Variants in OXR1 observed in about 807,000 individuals in gnomAD.
The protein encoded by OXR1 is oxidation resistance protein 1.
Under a neutral mutation model 104.6 loss-of-function variants are expected in OXR1, and 41 were observed. The ratio of observed to expected loss-of-function variants is 0.39; its 90% CI spans 0.31 to 0.51. The LOEUF is 0.51. Among genes scored for constraint, OXR1 ranks in the 20% least tolerant of loss-of-function variants. The pLI, the probability that OXR1 is intolerant of heterozygous loss-of-function variation, is 0.77. For missense variants in OXR1, 955 were observed against 1,031.9 expected, an observed-to-expected ratio of 0.93 and a Z score of 1.02; for synonymous variants, 348 against 348.4, an observed-to-expected ratio of 1.00 and a Z score of 0.01.
At chr8:106,448,255 AG>A (rs1820111405) in intron 2 of OXR1, among the ~76,000 whole-genome samples, 2 of 152,280 alleles carry the variant, frequency 1.3e-5, no homozygotes, top group South Asian at 4.1e-4. Context: ...CCGAAAACAT[AG>A]GTACTAAAGA....
At chr8:106,463,648 G>C (rs1345917872) in intron 2 of OXR1, among the ~76,000 whole-genome samples, 2 of 152,110 alleles carry the variant, frequency 1.3e-5, no homozygotes, top group Non-Finnish European at 2.9e-5. Context: ...GGCTGTATCA[G>C]TCTGTCTTGA....
At chr8:106,712,832 C>T (rs1254551557) in intron 10 of OXR1, among the ~76,000 whole-genome samples, 1 of 151,934 alleles carries the variant, frequency 6.6e-6, no homozygotes, top group Admixed American at 6.6e-5. Context: ...AGAAATGTAA[C>T]TATATTTAGT....
intron 2 of OXR1, among the ~76,000 whole-genome samples, chr8:106,457,761 T>G (rs1006869051): frequency 1.3e-5 from 2 of 152,142 alleles, no homozygotes; most frequent in African/African-American, 4.8e-5. Context: ...AAATGTAGAA[T>G]AAGGTATTGG....
At chr8:106,288,397 G>A (rs912894435) in intron 1 of OXR1, among the ~76,000 whole-genome samples, 9 of 152,030 alleles carry the variant, frequency 5.9e-5, no homozygotes, top group Admixed American at 3.3e-4. Flanking sequence ...CAACATCAGG[G>A]CAACAAAAGT....
At chr8:106,694,421 A>ATG in intron 7 of OXR1, among the ~76,000 whole-genome samples, 1 of 139,898 alleles carries the variant, frequency 7.1e-6, no homozygotes, top group East Asian at 2.0e-4. Flanking sequence ...ATTTATATAT[A>ATG]TATTTAATAT....
At chr8:106,448,396 AAC>A (rs1820120072) in intron 2 of OXR1, among the ~76,000 whole-genome samples, 1 of 152,200 alleles carries the variant, frequency 6.6e-6, no homozygotes, top group East Asian at 1.9e-4. Flanking sequence ...ATCGTTTATG[AAC>A]ACAGTTTTAT....
intron 2 of OXR1, among the ~76,000 whole-genome samples, chr8:106,484,736 C>G (rs866882890): frequency 6.6e-6 from 1 of 151,860 alleles, no homozygotes; most frequent in African/African-American, 2.4e-5. Context: ...CAAAATGGTA[C>G]AGCCACTTTG....
intron 3 of OXR1, among the ~76,000 whole-genome samples, chr8:106,629,675 C>A (rs1001891588): frequency 6.6e-6 from 1 of 152,094 alleles, no homozygotes; most frequent in Non-Finnish European, 1.5e-5. Context: ...TTACATTATA[C>A]CTTTAAATAC....
At chr8:106,627,680 T>A (rs1199860814) in intron 3 of OXR1, among the ~76,000 whole-genome samples, 1 of 152,182 alleles carries the variant, frequency 6.6e-6, no homozygotes, top group African/African-American at 2.4e-5. Context: ...TTTAGTTCTT[T>A]CATTTCCAGC....
At chr8:106,308,766 A>G (rs1813569105) in intron 1 of OXR1, among the ~76,000 whole-genome samples, 1 of 152,030 alleles carries the variant, frequency 6.6e-6, no homozygotes, top group African/African-American at 2.4e-5. Flanking sequence ...GTAGTACTAG[A>G]GATCTACACA....
At chr8:106,722,485 C>T (rs1054122205) in intron 11 of OXR1, among the ~76,000 whole-genome samples, 2 of 152,100 alleles carry the variant, frequency 1.3e-5, no homozygotes, top group Non-Finnish European at 2.9e-5. Context: ...TACGGTCATG[C>T]AGCACATAAT....
At chr8:106,441,228 T>C (rs1237751232) in intron 2 of OXR1, among the ~76,000 whole-genome samples, 1 of 152,076 alleles carries the variant, frequency 6.6e-6, no homozygotes, top group Non-Finnish European at 1.5e-5. Context: ...TGGTTGTAGA[T>C]GTATGGTATT....
chr8:106,292,793 G>C (rs757896751), intron 1 of OXR1, among the ~76,000 whole-genome samples: 1 of 152,164 alleles, frequency 6.6e-6, no homozygotes, highest in Non-Finnish European at 1.5e-5. Flanking sequence ...AGAAGGAGCA[G>C]CCTGTGAGGT....
intron 13 of OXR1, 42 bp downstream of exon 13, chr8:106,739,625 G>T (rs1228744231): frequency 3.1e-6 from 5 of 1,594,044 alleles, no homozygotes; most frequent in Non-Finnish European, 3.4e-6. Flanking sequence ...GTGTGAGTGT[G>T]TACCCATGAG....
chr8:106,522,473 G>A (rs1813334354), intron 3 of OXR1, among the ~76,000 whole-genome samples: 1 of 152,142 alleles, frequency 6.6e-6, no homozygotes, highest in South Asian at 2.1e-4. Flanking sequence ...TCAATCAGTG[G>A]TTAGTTGAGT....
At chr8:106,506,592 C>G (rs1402984837) in intron 2 of OXR1, among the ~76,000 whole-genome samples, 3 of 151,994 alleles carry the variant, frequency 2.0e-5, no homozygotes, top group African/African-American at 7.3e-5. Flanking sequence ...GCCTGGGTGA[C>G]AGAGCGAGAC....
chr8:106,390,057 C>T (rs1445121455), intron 2 of OXR1, among the ~76,000 whole-genome samples: 4 of 151,874 alleles, frequency 2.6e-5, no homozygotes, highest in Non-Finnish European at 4.4e-5. Context: ...CAGGGCAGGA[C>T]TCTGTCTCAA....
chr8:106,577,855 G>A (rs1465363113), intron 3 of OXR1, among the ~76,000 whole-genome samples: 1 of 152,186 alleles, frequency 6.6e-6, no homozygotes, highest in Non-Finnish European at 1.5e-5. Context: ...TACGCTTGTA[G>A]TTCCTGTATC....
In OXR1 at chr8:106,472,758, A is replaced by G. The variant is rs142058453; in HGVS notation, c.24-46185A>G. 1.1e-3 allele frequency among the ~76,000 whole-genome samples: 173 copies of G among 151,916 alleles called. 1 individual carries two copies. The highest frequency in any genetic ancestry group is 4.0e-3 in the African/African-American group (164 of 41,502). The stretch of plus-strand genomic sequence containing the variant: ...CACACTTGCCCTCCATGTAAATATC[A>G]GTGTCCAGTGGTTCTATTTCTCAGG... On this transcript the variant is annotated intron_variant, in intron 2 of 16. Transcript: ENST00000517566.
Sources: allele counts gnomAD v4.1 joint callset (sites outside exome capture counted in the v4.1 genomes callset), GRCh38; gene constraint gnomAD v4.1.1; transcripts MANE v1.5; gene names NCBI Gene and HGNC (gene_info 2026-07-23, HGNC 2026-07-21).